The following SLC44A1 variants were observed in gnomAD, a reference collection of about 807,000 sequenced individuals.
The protein encoded by SLC44A1 is solute carrier family 44 member 1.
Under a neutral mutation model 79.3 loss-of-function variants are expected in SLC44A1, and 26 were observed. The ratio of observed to expected loss-of-function variants is 0.33; its 90% CI spans 0.24 to 0.46. The LOEUF (loss-of-function observed/expected upper bound fraction) is 0.46. SLC44A1 is among the 20% of genes least tolerant of loss of function. The pLI is 1.00. For missense variants in SLC44A1, 688 were observed against 798.1 expected (o/e 0.86, Z 1.66); for synonymous variants, 263 against 286.2 (o/e 0.92, Z 0.82).
intron 15 of SLC44A1, among the ~76,000 whole-genome samples, chr9:105,431,198 A>T (rs1015111701): frequency 1.3e-4 from 20 of 152,184 alleles, no homozygotes; most frequent in African/African-American, 4.3e-4. Context: ...CATTTAGGTC[A>T]TTGATCTATT....
intron 3 of SLC44A1, among the ~76,000 whole-genome samples, chr9:105,334,874 A>G (rs773328268): frequency 1.3e-5 from 2 of 152,202 alleles, no homozygotes; most frequent in Non-Finnish European, 2.9e-5. Flanking sequence ...AATGGACAGT[A>G]TTTAAACTAT....
At chr9:105,309,268 T>G (rs908235555) in intron 2 of SLC44A1, among the ~76,000 whole-genome samples, 16 of 152,144 alleles carry the variant, frequency 1.1e-4, no homozygotes, top group African/African-American at 3.9e-4. Flanking sequence ...AACTAGAGAA[T>G]GAGGGAAGCT....
In SLC44A1 at chr9:105,245,059, G is replaced by A. The variant is rs374043828; in HGVS notation, c.36+155G>A. 4.0e-5 allele frequency among the ~76,000 whole-genome samples: 6 copies of A among 151,658 alleles called. No individual in the cohort carries two copies. The South Asian group carries it at 1.1e-3, about 27-fold the overall frequency. On this transcript the variant is annotated intron_variant, in intron 1 of 15. Coordinates refer to ENST00000374720, the MANE Select transcript of SLC44A1 (RefSeq NM_080546.5). ...CCCCCACTCCGCCTTTCCGTCCGCC[G>A]GGTCCCGCCGATGCCCGTGCGCTGG...
chr9:105,351,163 T>C lies in SLC44A1; in HGVS notation c.500+2712T>C, dbSNP rs185445625. Among the ~76,000 whole-genome samples, 49 of 152,316 alleles carry C rather than the reference T, an allele frequency of 3.2e-4. No homozygotes were observed. The East Asian group carries it at 8.9e-3, about 28-fold the overall frequency. On this transcript the variant is annotated intron_variant, in intron 5 of 15. Coordinates refer to ENST00000374720, the MANE Select transcript of SLC44A1 (RefSeq NM_080546.5). ...ACATAAATTCAGTTTATTCATCATG[T>C]ATTTGGGCACCTCTGGATGCCAGAA...
At chr9:105,253,805 A>G (rs1044336366) in intron 1 of SLC44A1, among the ~76,000 whole-genome samples, 3 of 152,216 alleles carry the variant, frequency 2.0e-5, no homozygotes, top group East Asian at 1.9e-4. Context: ...GCTCACTGCA[A>G]TCTCCGCCTC....
At chr9:105,291,480 A>G (rs1830600871) in intron 1 of SLC44A1, among the ~76,000 whole-genome samples, 1 of 152,236 alleles carries the variant, frequency 6.6e-6, no homozygotes, top group South Asian at 2.1e-4. Flanking sequence ...TAGGACAGTG[A>G]AAACTACAGC....
At chr9:105,432,582 GCCATAACAATCC>G (rs1398626594) in intron 15 of SLC44A1, among the ~76,000 whole-genome samples, 1 of 152,216 alleles carries the variant, frequency 6.6e-6, no homozygotes, top group Non-Finnish European at 1.5e-5. Flanking sequence ...CATATGGTCT[GCCATAACAATCC>G]AAGATTGATC....
chr9:105,429,746 A>C (rs1190572160), intron 15 of SLC44A1, among the ~76,000 whole-genome samples: 1 of 152,196 alleles, frequency 6.6e-6, no homozygotes, highest in Non-Finnish European at 1.5e-5. Flanking sequence ...AAATAGTAAA[A>C]ACATTAACAC....
At chr9:105,279,819 C>CA (rs1564411664) in intron 1 of SLC44A1, among the ~76,000 whole-genome samples, 1 of 151,222 alleles carries the variant, frequency 6.6e-6, no homozygotes, top group Non-Finnish European at 1.5e-5. Flanking sequence ...AGATAAAATA[C>CA]AAAAAAAAGA....
Position 105,374,610 on chromosome 9 carries a change from G to A in SLC44A1, c.1507G>A (p.Ala503Thr). 1 of 1,612,960 alleles carries A rather than the reference G, an allele frequency of 6.2e-7. No individual in the cohort carries two copies. Among genetic ancestry groups the A allele is most frequent in the Non-Finnish European group, 8.5e-7 (1 of 1,179,768 alleles). ...TGCTTTTGTCCAGAATGCATACACA[G>A]CCACAGCTATCAACAGCACCAACTT... ...LNYLNQNAYT[A>T]TAINSTNFCT... The change falls in exon 13 of 16, where the codon GCC (alanine) becomes ACC (threonine). Residue 503 changes from alanine (A) to threonine (T), a missense_variant. Coordinates refer to ENST00000374720, the MANE Select transcript of SLC44A1 (RefSeq NM_080546.5).
chr9:105,274,667 C>G (rs1370608185), intron 1 of SLC44A1, among the ~76,000 whole-genome samples: 1 of 152,232 alleles, frequency 6.6e-6, no homozygotes, highest in African/African-American at 2.4e-5. Context: ...AATTTAATAA[C>G]ATATTGTTGA....
Position 105,394,412 on chromosome 9 carries a change from G to GT in SLC44A1, c.*5356_*5357insT. 1 of 756,306 alleles carries GT rather than the reference G, an allele frequency of 1.3e-6. No homozygotes were observed. The highest frequency in any genetic ancestry group is 1.6e-6 in the Non-Finnish European group (1 of 630,792). 46.8% of individuals were successfully genotyped at this position (756,306 alleles called of 1,614,324 possible). A position where few individuals can be genotyped will look rare whatever the true frequency, so the allele number is the denominator to read the frequency against. ...GATTTTCTTTCCTTGGAGGTATGAG[G>GT]GTGTGTATGTGTGTGTGTGTGTGTG... On this transcript the variant is annotated 3_prime_UTR_variant, in exon 16 of 16. Coordinates refer to ENST00000374720, the MANE Select transcript of SLC44A1 (RefSeq NM_080546.5).
chr9:105,278,380 C>G (rs1242414048), intron 1 of SLC44A1, among the ~76,000 whole-genome samples: 1 of 152,220 alleles, frequency 6.6e-6, no homozygotes, highest in Non-Finnish European at 1.5e-5. Flanking sequence ...TCCCGAGTAG[C>G]TGGGACTACG....
chr9:105,284,228 C>CT lies in SLC44A1; in HGVS notation c.37-14973dup, dbSNP rs34449378. ...TTTCCTATTTTCTGACAAATACAGT[C>CT]TTTTTTTTTTTTTTTTTTTAAGAGA... On this transcript the variant is annotated intron_variant, in intron 1 of 15. Coordinates refer to ENST00000374720, the MANE Select transcript of SLC44A1 (RefSeq NM_080546.5). 6.8e-3 allele frequency among the ~76,000 whole-genome samples: 894 copies of CT among 132,134 alleles called. 7 individuals carry two copies. The highest frequency in any genetic ancestry group is 0.02 in the Middle Eastern group (5 of 254). 86.7% of individuals were successfully genotyped at this position (132,134 alleles called of 152,430 possible).
downstream of SLC44A1, among the ~76,000 whole-genome samples, chr9:105,399,423 T>C (rs546386372): frequency 1.3e-3 from 194 of 152,288 alleles, no homozygotes; most frequent in African/African-American, 4.6e-3. Context: ...GTATTTAAGG[T>C]TGGTCAACTC....
chr9:105,390,653 T>C lies in SLC44A1; in HGVS notation c.*1597T>C. 1.0e-6 allele frequency: 1 copy of C among 985,756 alleles called. No individual in the cohort carries two copies. The highest frequency in any genetic ancestry group is 1.2e-6 in the Non-Finnish European group (1 of 829,844). 61.1% of individuals were successfully genotyped at this position (985,756 alleles called of 1,614,324 possible). On this transcript the variant is annotated 3_prime_UTR_variant, in exon 16 of 16. Coordinates refer to ENST00000374720, the MANE Select transcript of SLC44A1 (RefSeq NM_080546.5). ...ATTGCTGCAAAAGGTAAATTGTATT[T>C]TTTTTTAAGTATTGGTGTTCTTTAC... is the stretch of plus-strand genomic sequence containing the variant.
intron 15 of SLC44A1, among the ~76,000 whole-genome samples, chr9:105,387,510 A>G (rs887871692): frequency 1.3e-5 from 2 of 152,132 alleles, no homozygotes; most frequent in Non-Finnish European, 2.9e-5. Context: ...CTATGGCAAC[A>G]TGGAGAAATG....
chr9:105,280,275 A>G (rs894569467), intron 1 of SLC44A1, among the ~76,000 whole-genome samples: 1 of 152,206 alleles, frequency 6.6e-6, no homozygotes, highest in Non-Finnish European at 1.5e-5. Flanking sequence ...GAGGTAGAGT[A>G]TAGGATTCCA....
In SLC44A1 at chr9:105,394,473, A is replaced by C. The variant is rs923358348; in HGVS notation, c.*5417A>C. Reference sequence around the variant, plus strand: ...TGTGTGTGTGTGTGTCCTGGCGGTTATTTGGGGGCAAGGTACCAGATTATT... The same window carrying C: ...TGTGTGTGTGTGTGTCCTGGCGGTTCTTTGGGGGCAAGGTACCAGATTATT... On this transcript the variant is annotated 3_prime_UTR_variant, in exon 16 of 16. Coordinates refer to ENST00000374720, the MANE Select transcript of SLC44A1 (RefSeq NM_080546.5). The C allele has an allele frequency of 7.2e-6, 7 of 975,714 alleles. No individual in the cohort carries two copies. The African/African-American group carries it at 1.3e-4, about 18-fold the overall frequency. The allele number at this position is 975,714 out of a possible 1,614,324, so 60.4% of individuals were successfully genotyped here. A position where few individuals can be genotyped will look rare whatever the true frequency, so the allele number is the denominator to read the frequency against.
Sources: allele counts gnomAD v4.1 joint callset (sites outside exome capture counted in the v4.1 genomes callset), GRCh38; gene constraint gnomAD v4.1.1; transcripts MANE v1.5; gene names NCBI Gene and HGNC (gene_info 2026-07-23, HGNC 2026-07-21).